The following GFRAL variants were observed in gnomAD, a reference collection of about 807,000 sequenced individuals.
GFRAL encodes GDNF family receptor alpha-like.
In GFRAL, 36 loss-of-function variants were observed where a neutral mutation model predicts 45.4. The ratio of observed to expected loss-of-function variants is 0.79; its 90% confidence interval spans 0.61 to 1.05. The LOEUF is 1.05. Ranked by LOEUF, GFRAL falls within the 50% of genes least tolerant of loss-of-function variation. The pLI, the probability that GFRAL is intolerant of heterozygous loss-of-function variation, is 0.00. For missense variants in GFRAL, 507 were observed against 467.5 expected (o/e 1.08, Z -0.78); for synonymous variants, 166 against 154.1 (o/e 1.08, Z -0.57).
At chr6:55,364,679 C>T (rs1325927659) in intron 6 of GFRAL, among the ~76,000 whole-genome samples, 1 of 151,384 alleles carries the variant, frequency 6.6e-6, no homozygotes, top group Admixed American at 6.6e-5. Context: ...TTCCCAGCAC[C>T]ATTTAATAAA....
intron 2 of GFRAL, among the ~76,000 whole-genome samples, 180 bp downstream of exon 2, chr6:55,332,029 T>C (rs1195001940): frequency 6.6e-6 from 1 of 152,234 alleles, no homozygotes; most frequent in African/African-American, 2.4e-5. Context: ...AGGATTTTCT[T>C]AATTACTAAA....
Position 55,401,690 on chromosome 6 carries a change from C to G in GFRAL, c.1122-100C>G, listed in dbSNP as rs907650263. On this transcript the variant is annotated intron_variant, in intron 8 of 8. Transcript: ENST00000340465. Reference sequence around the variant, plus strand: ...CATTCTGGAACTTGATTAGTTTTTTCCTCCAGGTGCAGACTCCAGCAAAAA... The same window carrying G: ...CATTCTGGAACTTGATTAGTTTTTTGCTCCAGGTGCAGACTCCAGCAAAAA... The G allele has an allele frequency of 1.1e-5, 8 of 730,456 alleles. No individual in the cohort carries two copies. The African/African-American group carries it at 1.3e-4, about 11-fold the overall frequency. 45.2% of individuals were successfully genotyped at this position (730,456 alleles called of 1,614,324 possible). A position where few individuals can be genotyped will look rare whatever the true frequency, so the allele number is the denominator to read the frequency against.
At chr6:55,327,658 T>A (rs2127348677) in intron 1 of GFRAL, 82 bp downstream of exon 1, 1 of 1,267,630 alleles carries the variant, frequency 7.9e-7, no homozygotes. Context: ...CACTTAAGCT[T>A]AACAGGGGCT....
chr6:55,344,192 AC>A lies in GFRAL; in HGVS notation c.317-5898del, dbSNP rs199909000. ...AATGCTCCCTAACTCATTTTATGAG[AC>A]CAGCATCAACCTGATAACAAAGCCT... On this transcript the variant is annotated intron_variant, in intron 3 of 8. Coordinates refer to ENST00000340465, the MANE Select transcript of GFRAL (RefSeq NM_207410.2). 9.2e-3 allele frequency among the ~76,000 whole-genome samples: 1,399 copies of A among 152,272 alleles called. 10 individuals are homozygous for A. Among genetic ancestry groups the A allele is most frequent in the Middle Eastern group, 0.014 (4 of 292 alleles).
chr6:55,386,858 A>C (rs954659407), intron 6 of GFRAL, among the ~76,000 whole-genome samples: 1 of 152,142 alleles, frequency 6.6e-6, no homozygotes, highest in Non-Finnish European at 1.5e-5. Flanking sequence ...CAGACCTGAA[A>C]CACTGCATAT....
rs768305198 is a variant in GFRAL at position 55,351,414 on chromosome 6, A to C, written c.532A>C (p.Ile178Leu). Residue 178 changes from isoleucine (I) to leucine (L), a missense_variant, in exon 5 of 9, where the codon ATA (isoleucine) becomes CTA (leucine). Physicochemically the swap from Ile to Leu is conservative, Grantham distance 5. Transcript: ENST00000340465. ...QAAIRFFYQN[I>L]PFNIAQMLAF... Reference sequence around the variant, plus strand: ...AGCCATACGGTTCTTCTATCAAAATATACCTTTTAACATTGCCCAGATGTT... The same window carrying C: ...AGCCATACGGTTCTTCTATCAAAATCTACCTTTTAACATTGCCCAGATGTT... The C allele has an allele frequency of 6.8e-6, 11 of 1,613,732 alleles. No individual in the cohort carries two copies. The South Asian group carries it at 1.2e-4, about 18-fold the overall frequency.
chr6:55,398,658 A>G lies in GFRAL; in HGVS notation c.953-522A>G, dbSNP rs1044612448. On this transcript the variant is annotated intron_variant, in intron 6 of 8. Coordinates refer to ENST00000340465, the MANE Select transcript of GFRAL (RefSeq NM_207410.2). The stretch of plus-strand genomic sequence containing the variant: ...TGGTGGGAATGTATTTCTCAGAAAC[A>G]TGGCCAAGAAGACTAGCACCTCAGA... Among the ~76,000 whole-genome samples, 6 of 152,342 alleles carry G rather than the reference A, an allele frequency of 3.9e-5. No homozygotes were observed. The East Asian group carries it at 9.6e-4, about 24-fold the overall frequency.
At chr6:55,383,920 C>T (rs1768646639) in intron 6 of GFRAL, among the ~76,000 whole-genome samples, 1 of 152,040 alleles carries the variant, frequency 6.6e-6, no homozygotes, top group Admixed American at 6.6e-5. Context: ...GCAATGTTCA[C>T]TTACTTAAAT....
chr6:55,368,349 T>G (rs941469984), intron 6 of GFRAL, among the ~76,000 whole-genome samples: 4 of 148,214 alleles, frequency 2.7e-5, no homozygotes, highest in Non-Finnish European at 4.5e-5. Flanking sequence ...TCTTCTAAAT[T>G]TTTTTCAAAG....
intron 6 of GFRAL, among the ~76,000 whole-genome samples, chr6:55,393,432 T>C (rs1350053006): frequency 6.6e-6 from 1 of 152,182 alleles, no homozygotes; most frequent in Non-Finnish European, 1.5e-5. Context: ...AAAAAGACGT[T>C]GAATTTACTG....
intron 3 of GFRAL, among the ~76,000 whole-genome samples, chr6:55,344,941 A>G (rs1172970809): frequency 6.6e-6 from 1 of 152,188 alleles, no homozygotes; most frequent in Non-Finnish European, 1.5e-5. Flanking sequence ...CCCATTCACA[A>G]TTGTTTCAAA....
At chr6:55,398,787 G>C (rs1319305277) in intron 6 of GFRAL, among the ~76,000 whole-genome samples, 1 of 152,048 alleles carries the variant, frequency 6.6e-6, no homozygotes, top group East Asian at 1.9e-4. Context: ...AGCAAAACTA[G>C]GTATTCCAGT....
At chr6:55,374,958 C>A (rs1053206573) in intron 6 of GFRAL, among the ~76,000 whole-genome samples, 16 of 152,164 alleles carry the variant, frequency 1.1e-4, no homozygotes, top group African/African-American at 3.9e-4. Flanking sequence ...TTTTTGAGCT[C>A]TCTATTCTCT....
intron 1 of GFRAL, 85 bp downstream of exon 1, chr6:55,327,661 C>T (rs1365517688): frequency 1.6e-6 from 2 of 1,267,406 alleles, no homozygotes; most frequent in Non-Finnish European, 2.3e-6. Context: ...TTAAGCTTAA[C>T]AGGGGCTTAT....
intron 3 of GFRAL, among the ~76,000 whole-genome samples, chr6:55,337,173 C>T (rs1767902174): frequency 6.6e-6 from 1 of 152,054 alleles, no homozygotes; most frequent in African/African-American, 2.4e-5. Flanking sequence ...CCGTGTCCTG[C>T]CAAGCTTGAT....
At chr6:55,351,847 A>G (rs1451896011) in intron 5 of GFRAL, among the ~76,000 whole-genome samples, 2 of 152,156 alleles carry the variant, frequency 1.3e-5, no homozygotes, top group Non-Finnish European at 2.9e-5. Flanking sequence ...AAAATTATGT[A>G]TTCAAGTTAG....
At chr6:55,341,496 G>A (rs1009201053) in intron 3 of GFRAL, among the ~76,000 whole-genome samples, 3 of 152,110 alleles carry the variant, frequency 2.0e-5, no homozygotes, top group Non-Finnish European at 4.4e-5. Context: ...CAAACAGAAA[G>A]GACATCCACA....
At position 55,333,877 on chromosome 6, in the gene GFRAL, T is replaced by C. The variant is rs771006042; in HGVS notation, c.249T>C (p.Cys83=). The change falls in exon 3 of 9, where the codon TGT becomes TGC. Residue 83 remains cysteine, a synonymous_variant. Coordinates refer to ENST00000340465, the MANE Select transcript of GFRAL (RefSeq NM_207410.2). ...AAAGCAATTTCCAATTTAAAGAGTG[T>C]CTTTGCACTGATGACTTCTATTGTA... ...LVESNFQFKE[C]LCTDDFYCTV... The C allele has an allele frequency of 1.2e-6, 2 of 1,610,538 alleles. No individual in the cohort carries two copies. Among genetic ancestry groups the C allele is most frequent in the Admixed American group, 3.3e-5 (2 of 59,774 alleles).
rs772765084 is a variant in GFRAL, at chr6:55,327,517, G to C, written c.-38G>C. On this transcript the variant is annotated 5_prime_UTR_variant, in exon 1 of 9. Coordinates refer to ENST00000340465, the MANE Select transcript of GFRAL (RefSeq NM_207410.2). ...GAAAGTTGTCAGAAGAAACGCATCTGCCTTTTTTTCCAGGTGAACTGCCGT... is the reference window on the plus strand; with the variant it reads ...GAAAGTTGTCAGAAGAAACGCATCTCCCTTTTTTTCCAGGTGAACTGCCGT... The C allele has an allele frequency of 1.9e-6, 3 of 1,611,342 alleles. No homozygotes were observed. The Admixed American group carries it at 5.0e-5, about 27-fold the overall frequency.
Sources: allele counts gnomAD v4.1 joint callset (sites outside exome capture counted in the v4.1 genomes callset), GRCh38; gene constraint gnomAD v4.1.1; transcripts MANE v1.5; gene names NCBI Gene and HGNC (gene_info 2026-07-23, HGNC 2026-07-21).